Variants in MGST1 observed in about 807,000 individuals in gnomAD.
MGST1 encodes glutathione S-transferase 12.
Under a neutral mutation model 8.9 loss-of-function variants are expected in MGST1, and 5 were observed. The ratio of observed to expected loss-of-function variants is 0.56; its 90% CI spans 0.29 to 1.19. MGST1 has a LOEUF of 1.19. Ranked by LOEUF, MGST1 falls within the 50% of genes most tolerant of loss-of-function variation. The pLI is 0.08. For synonymous variants in MGST1, 54 were observed against 67.8 expected, an observed-to-expected ratio of 0.80 and a Z score of 1.00; for missense variants, 182 against 187.4, an observed-to-expected ratio of 0.97 and a Z score of 0.17.
chr12:16,442,528 A>G (rs1020907978), downstream of MGST1, among the ~76,000 whole-genome samples: 1 of 151,676 alleles, frequency 6.6e-6, no homozygotes, highest in Non-Finnish European at 1.5e-5. This position sits in a 1 kb window ranked among gnomAD's most constrained non-coding sequence, Gnocchi z 4.5. Context: ...TATTTTTTGC[A>G]TGCGGATGTC....
At chr12:16,376,182 C>A in exon 4 of MGST1, 1 of 966,040 alleles carries the variant, frequency 1.0e-6, no homozygotes. Context: ...CTCGGCATAA[C>A]CAATTGCTGA....
chr12:16,492,121 G>GA (rs1237661163), intron 4 of MGST1, among the ~76,000 whole-genome samples: 2 of 151,996 alleles, frequency 1.3e-5, no homozygotes, highest in East Asian at 1.9e-4. Context: ...ATGTTCATAT[G>GA]AAAAAAATGG....
intron 4 of MGST1, among the ~76,000 whole-genome samples, chr12:16,444,495 CTTTT>C (rs1306538708): frequency 6.6e-6 from 1 of 151,854 alleles, no homozygotes; most frequent in Non-Finnish European, 1.5e-5. Context: ...GGGAAGATTT[CTTTT>C]GTCTCAACAG....
At chr12:16,504,120 G>C (rs1234893726) in intron 4 of MGST1, among the ~76,000 whole-genome samples, 1 of 151,958 alleles carries the variant, frequency 6.6e-6, no homozygotes. Flanking sequence ...GCCTGCCCTG[G>C]GATTTGGAGA....
intron 4 of MGST1, among the ~76,000 whole-genome samples, chr12:16,488,369 T>C (rs1001092492): frequency 6.6e-6 from 1 of 152,124 alleles, no homozygotes; most frequent in Non-Finnish European, 1.5e-5. Context: ...CTCTCTCCCC[T>C]CTCTGCACTA....
rs144413599 is a variant in MGST1 at position 16,357,720 on chromosome 12, ATTAC to A, written c.221+28_221+31del. 7,010 of 1,596,440 alleles carry A rather than the reference ATTAC, an allele frequency of 4.4e-3. 253 individuals are homozygous for A. The African/African-American group carries it at 0.084, about 19-fold the overall frequency. ...CGCAGGTAAACCAGTGTCTCTTGAA[ATTAC>A]TTACTTTATGAAACAATTTTGGTCA... On this transcript the variant is annotated intron_variant, in intron 3 of 3. Transcript: ENST00000396210.
intron 1 of MGST1, chr12:16,400,317 A>T: frequency 1.2e-6 from 1 of 801,368 alleles, no homozygotes; most frequent in Non-Finnish European, 2.2e-6. Flanking sequence ...AAGCATGCTT[A>T]ATATTATTGT....
chr12:16,349,830 C>T (rs1027826947), intron 1 of MGST1, among the ~76,000 whole-genome samples: 5 of 151,438 alleles, frequency 3.3e-5, no homozygotes, highest in East Asian at 2.0e-4. Flanking sequence ...CTGCAAACTC[C>T]GCTTCCCGGG....
chr12:16,351,930 A>T (rs907128496), intron 1 of MGST1, among the ~76,000 whole-genome samples: 5 of 152,240 alleles, frequency 3.3e-5, no homozygotes, highest in African/African-American at 9.6e-5. Context: ...AAGATGACAG[A>T]TATAAGGGGT....
In MGST1 at chr12:16,363,499, C is replaced by A. The variant is rs1006362195; in HGVS notation, c.222-296C>A. Reference sequence around the variant, plus strand: ...CATAAGAAAAAAGTATTTTTATTTACAAAAATGAAATGAGTTCTATTAGAT... The same window carrying A: ...CATAAGAAAAAAGTATTTTTATTTAAAAAAATGAAATGAGTTCTATTAGAT... On this transcript the variant is annotated intron_variant, in intron 3 of 3. Coordinates refer to ENST00000396210, the MANE Select transcript of MGST1 (RefSeq NM_020300.5). The surrounding 1 kb of genome is among the most constrained non-coding windows in gnomAD (Gnocchi z 4.6). 2 of 177,260 alleles carry A rather than the reference C, an allele frequency of 1.1e-5. No individual in the cohort carries two copies. Among genetic ancestry groups the A allele is most frequent in the Non-Finnish European group, 2.3e-5 (2 of 85,416 alleles). 11.0% of individuals were successfully genotyped at this position (177,260 alleles called of 1,614,324 possible).
intron 4 of MGST1, among the ~76,000 whole-genome samples, chr12:16,488,652 GTAAT>G (rs1941416016): frequency 6.6e-6 from 1 of 151,828 alleles, no homozygotes; most frequent in Non-Finnish European, 1.5e-5. Context: ...AGTGATTAAT[GTAAT>G]TAATACATAT....
intron 4 of MGST1, among the ~76,000 whole-genome samples, chr12:16,494,757 A>G (rs1223016033): frequency 1.3e-5 from 2 of 152,114 alleles, no homozygotes; most frequent in Non-Finnish European, 2.9e-5. Flanking sequence ...ATGGGTACAT[A>G]TCAGTATTTT....
chr12:16,444,555 T>A (rs1941064689), intron 4 of MGST1, among the ~76,000 whole-genome samples: 1 of 151,922 alleles, frequency 6.6e-6, no homozygotes, highest in South Asian at 2.1e-4. Context: ...ACAGACACCA[T>A]CATTTTCAGC....
rs9332886 is a variant in MGST1, at chr12:16,349,514, C to A, written c.-23+1804C>A. ...AACTAAGTTGCAGTCTTGGTCTCTC[C>A]ACTGTGAATTTGGGTCATATTACTC... On this transcript the variant is annotated intron_variant, in intron 1 of 3. Coordinates refer to ENST00000396210, the MANE Select transcript of MGST1 (RefSeq NM_020300.5). 8.5e-5 allele frequency among the ~76,000 whole-genome samples: 13 copies of A among 152,190 alleles called. No homozygotes were observed. In the East Asian group the frequency reaches 2.5e-3, roughly 29 times the overall value.
downstream of MGST1, among the ~76,000 whole-genome samples, chr12:16,591,793 C>T (rs955622683): frequency 6.6e-6 from 1 of 152,020 alleles, no homozygotes; most frequent in Non-Finnish European, 1.5e-5. The surrounding 1 kb of genome is among the most constrained non-coding windows in gnomAD (Gnocchi z 4.1). Context: ...ACCCGTGAAG[C>T]TCAAAGCTCA....
chr12:16,373,162 TATCTC>T (rs1336364626), intron 3 of MGST1, among the ~76,000 whole-genome samples: 5 of 151,702 alleles, frequency 3.3e-5, no homozygotes, highest in African/African-American at 1.2e-4. Context: ...GAAAGACAAA[TATCTC>T]ATGTTCTCAC....
chr12:16,535,392 G>C (rs1941750793), intron 4 of MGST1, among the ~76,000 whole-genome samples: 1 of 152,180 alleles, frequency 6.6e-6, no homozygotes, highest in African/African-American at 2.4e-5. Context: ...ATGATATTTA[G>C]AAATTTGGGG....
intron 4 of MGST1, among the ~76,000 whole-genome samples, chr12:16,565,718 A>G (rs2137380125): frequency 6.6e-6 from 1 of 151,974 alleles, no homozygotes; most frequent in Admixed American, 6.6e-5. Flanking sequence ...AAGGCTGAAA[A>G]AAGGAACACT....
chr12:16,566,758 T>G (rs1942626771), intron 4 of MGST1, among the ~76,000 whole-genome samples: 1 of 152,102 alleles, frequency 6.6e-6, no homozygotes, highest in Non-Finnish European at 1.5e-5. Context: ...TTGCTGAAAG[T>G]TCAACGTATA....
Sources: allele counts gnomAD v4.1 joint callset (sites outside exome capture counted in the v4.1 genomes callset), GRCh38; gene constraint gnomAD v4.1.1; non-coding constraint Gnocchi (gnomAD v3.1); transcripts MANE v1.5; gene names NCBI Gene and HGNC (gene_info 2026-07-23, HGNC 2026-07-21).